Variants in PTPRU observed in about 807,000 individuals in gnomAD.
PTPRU encodes protein tyrosine phosphatase receptor type U, also known as receptor-type tyrosine-protein phosphatase U.
In PTPRU, 69 loss-of-function variants were observed where a neutral mutation model predicts 166.3. That is an observed-to-expected ratio of 0.41 (90% CI 0.34 to 0.51). The LOEUF (loss-of-function observed/expected upper bound fraction) is 0.51. Ranked by LOEUF, PTPRU falls within the 20% of genes least tolerant of loss-of-function variation. The probability of loss-of-function intolerance (pLI) is 0.09; values close to 1 mark genes in which losing one functional copy is unlikely to be tolerated. For missense variants in PTPRU, 1,657 were observed against 2,013.7 expected, an observed-to-expected ratio of 0.82 and a Z score of 3.39; for synonymous variants, 793 against 814.0, an observed-to-expected ratio of 0.97 and a Z score of 0.44.
intron 1 of PTPRU, among the ~76,000 whole-genome samples, chr1:29,247,496 C>T (rs561583024): frequency 6.6e-6 from 1 of 152,236 alleles, no homozygotes; most frequent in African/African-American, 2.4e-5. Flanking sequence ...TCTCCATGGA[C>T]CTTTATGAAG....
rs1485630463 is a variant in PTPRU, at chr1:29,325,667, C to T, written c.*6C>T. The T allele has an allele frequency of 6.2e-7, 1 of 1,600,158 alleles. No individual in the cohort carries two copies. On this transcript the variant is annotated 3_prime_UTR_variant, in exon 30 of 30. Transcript: ENST00000373779. The stretch of plus-strand genomic sequence containing the variant: ...AGGGGCTGGAGTCAAGATAGCGGGG[C>T]CCTGGCCTGGGGCACCCACTGCACA...
rs1574641279 is a variant in PTPRU, at chr1:29,271,201, T to A, written c.1145-4247T>A. On this transcript the variant is annotated intron_variant, in intron 7 of 29. Coordinates refer to ENST00000373779, the MANE Select transcript of PTPRU (RefSeq NM_133178.4). This position sits in a 1 kb window ranked among gnomAD's most constrained non-coding sequence, Gnocchi z 4.4. ...CTGATCTCGGAGTGACCTGTAGCCC[T>A]GTGTAATTTAGAGGGATGGGGCTTT... 6.6e-6 allele frequency among the ~76,000 whole-genome samples: 1 copy of A among 152,228 alleles called. No homozygotes were observed. The highest frequency in any genetic ancestry group is 2.4e-5 in the African/African-American group (1 of 41,456).
intron 14 of PTPRU, among the ~76,000 whole-genome samples, chr1:29,287,068 A>G (rs1176786211): frequency 6.6e-6 from 1 of 152,130 alleles, no homozygotes; most frequent in African/African-American, 2.4e-5. Flanking sequence ...TGCCAACATA[A>G]CTAACAAGAG....
intron 14 of PTPRU, among the ~76,000 whole-genome samples, chr1:29,286,158 G>C (rs1686336662): frequency 6.6e-6 from 1 of 152,224 alleles, no homozygotes; most frequent in African/African-American, 2.4e-5. Context: ...GGTGGAGTGT[G>C]CAGCGGAGTG....
At chr1:29,287,771 T>A (rs1483972726) in intron 14 of PTPRU, among the ~76,000 whole-genome samples, 3 of 151,832 alleles carry the variant, frequency 2.0e-5, no homozygotes, top group Non-Finnish European at 2.9e-5. Flanking sequence ...ATTTTTTTTT[T>A]ATTTTTAGTA....
At chr1:29,272,736 G>C (rs1685614968) in intron 7 of PTPRU, among the ~76,000 whole-genome samples, 1 of 151,574 alleles carries the variant, frequency 6.6e-6, no homozygotes, top group Non-Finnish European at 1.5e-5. Context: ...GCAAGACCCT[G>C]TCTCTACAAA....
At chr1:29,308,585 A>AG (rs1553127741) in intron 18 of PTPRU, among the ~76,000 whole-genome samples, 2 of 150,504 alleles carry the variant, frequency 1.3e-5, no homozygotes, top group Admixed American at 6.6e-5. Flanking sequence ...AAAAAAAAAA[A>AG]AGAGAGAGAG....
rs754152010 is a variant in PTPRU at position 29,317,768 on chromosome 1, G to A, written c.3534G>A (p.Pro1178=). 8 of 1,610,392 alleles carry A rather than the reference G, an allele frequency of 5.0e-6. No homozygotes were observed. Among genetic ancestry groups the A allele is most frequent in the East Asian group, 4.5e-5 (2 of 44,884 alleles). ...EEFQTLNSVT[P]PLDVEECSIA... ...TGTAGACGCTGAACTCGGTCACCCC[G>A]CCGCTGGACGTGGAGGAGTGCAGCA... Residue 1178 remains proline, a synonymous_variant, in exon 25 of 30, where the codon CCG becomes CCA. Coordinates refer to ENST00000373779, the MANE Select transcript of PTPRU (RefSeq NM_133178.4). This position sits in a 1 kb window ranked among gnomAD's most constrained non-coding sequence, Gnocchi z 5.6.
At chr1:29,264,970 C>T (rs1685234102) in intron 7 of PTPRU, among the ~76,000 whole-genome samples, 1 of 152,200 alleles carries the variant, frequency 6.6e-6, no homozygotes, top group African/African-American at 2.4e-5. Context: ...TTATTCCATG[C>T]TGTGGAAATG....
rs917279065 is a variant in PTPRU, at chr1:29,236,574, C to T, written c.-71C>T. 2.6e-6 allele frequency: 3 copies of T among 1,137,300 alleles called. No homozygotes were observed. Among genetic ancestry groups the T allele is most frequent in the Non-Finnish European group, 3.3e-6 (3 of 917,682 alleles). 70.5% of individuals were successfully genotyped at this position (1,137,300 alleles called of 1,614,324 possible). On this transcript the variant is annotated 5_prime_UTR_variant, in exon 1 of 30. Transcript: ENST00000373779. This position sits in a 1 kb window ranked among gnomAD's most constrained non-coding sequence, Gnocchi z 4.6. Reference sequence around the variant, plus strand: ...CTCCGGCTCGGGCTCCGGCTCGCCTCGGGCTGGGCTCGGGCTCCGGGGGCG... The same window carrying T: ...CTCCGGCTCGGGCTCCGGCTCGCCTTGGGCTGGGCTCGGGCTCCGGGGGCG...
rs554749148 is a variant in PTPRU, at chr1:29,247,651, C to T, written c.74-7624C>T. On this transcript the variant is annotated intron_variant, in intron 1 of 29. Coordinates refer to ENST00000373779, the MANE Select transcript of PTPRU (RefSeq NM_133178.4). The stretch of plus-strand genomic sequence containing the variant: ...CCACTGCACAACATAGTCCTCCATT[C>T]GGCCCTTTTCCTCTGTCTGGCATCC... Among the ~76,000 whole-genome samples, 7 of 152,348 alleles carry T rather than the reference C, an allele frequency of 4.6e-5. No individual in the cohort carries two copies. The South Asian group carries it at 6.2e-4, about 14-fold the overall frequency.
Position 29,236,612 on chromosome 1 carries a change from CCGGGCCCCGGGA to C in PTPRU, c.-27_-16del. 3.3e-6 allele frequency: 4 copies of C among 1,221,274 alleles called. No homozygotes were observed. Among genetic ancestry groups the C allele is most frequent in the Non-Finnish European group, 4.1e-6 (4 of 981,426 alleles). 75.7% of individuals were successfully genotyped at this position (1,221,274 alleles called of 1,614,324 possible). On this transcript the variant is annotated 5_prime_UTR_variant, in exon 1 of 30. Transcript: ENST00000373779. This position sits in a 1 kb window ranked among gnomAD's most constrained non-coding sequence, Gnocchi z 4.6. ...GGCTCCGGGGGCGGCGTCCCCCGCG[CCGGGCCCCGGGA>C]CGGGCGGCGACGCTCCAACCATGGC...
At chr1:29,263,436 A>G in intron 7 of PTPRU, among the ~76,000 whole-genome samples, 1 of 152,202 alleles carries the variant, frequency 6.6e-6, no homozygotes, top group Non-Finnish European at 1.5e-5. Context: ...GGGGTTGTTT[A>G]CACTTTTCAG....
intron 18 of PTPRU, among the ~76,000 whole-genome samples, chr1:29,309,119 G>T (rs1269166777): frequency 6.6e-6 from 1 of 152,184 alleles, no homozygotes; most frequent in Non-Finnish European, 1.5e-5. Context: ...CAGTGAGCAG[G>T]TATCCAGCAG....
At chr1:29,281,011 G>A (rs1239704596) in intron 11 of PTPRU, among the ~76,000 whole-genome samples, 1 of 152,162 alleles carries the variant, frequency 6.6e-6, no homozygotes, top group Non-Finnish European at 1.5e-5. Flanking sequence ...AGGTCTATCT[G>A]CTGTGCCTGT....
intron 26 of PTPRU, 70 bp from the exon 27 acceptor site, chr1:29,323,301 G>A (rs1362334714): frequency 6.4e-6 from 10 of 1,552,840 alleles, no homozygotes; most frequent in African/African-American, 4.1e-5. Context: ...AGCCCTTGGG[G>A]TGGGCATGGC....
At chr1:29,323,180 A>C in intron 26 of PTPRU, 191 bp from the exon 27 acceptor site, 2 of 671,590 alleles carry the variant, frequency 3.0e-6, no homozygotes, top group Non-Finnish European at 5.0e-6. Flanking sequence ...GCATTGGGGC[A>C]GGTGGGCCTT....
At chr1:29,259,833 C>T in intron 5 of PTPRU, 37 bp from the exon 6 acceptor site, 1 of 1,504,614 alleles carries the variant, frequency 6.6e-7, no homozygotes, top group Non-Finnish European at 8.8e-7. Flanking sequence ...CCCCTCGCTC[C>T]GAGGCGCCCC....
At chr1:29,316,515 T>C (rs1223102839) in intron 24 of PTPRU, among the ~76,000 whole-genome samples, 3 of 152,146 alleles carry the variant, frequency 2.0e-5, no homozygotes, top group Admixed American at 6.5e-5. Context: ...TGGGATTCTT[T>C]TGGTTGTGAG....
Sources: gnomAD v4.1 joint callset for allele counts (sites outside exome capture counted in the v4.1 genomes callset) on GRCh38, gnomAD v4.1.1 for gene constraint, Gnocchi (gnomAD v3.1) non-coding constraint, MANE v1.5 for transcripts, NCBI Gene and HGNC (gene_info 2026-07-23, HGNC 2026-07-21) for gene names.